SORL1: variants seen among roughly 807,000 people sequenced by gnomAD.
SORL1 encodes sortilin-related receptor.
A neutral mutation model predicts 273.7 loss-of-function variants in SORL1; 127 were observed. The ratio of observed to expected loss-of-function variants is 0.46; its 90% CI spans 0.40 to 0.54. The LOEUF is 0.54. SORL1 is among the 20% of genes least tolerant of loss of function. The probability of loss-of-function intolerance (pLI) is 0.00; values close to 1 mark genes in which losing one functional copy is unlikely to be tolerated. For missense variants in SORL1, 2,494 were observed against 2,846.1 expected, an observed-to-expected ratio of 0.88 and a Z score of 2.81; for synonymous variants, 1,031 against 1,067.4, an observed-to-expected ratio of 0.97 and a Z score of 0.66.
At chr11:121,621,505 C>A (rs887488445) in intron 44 of SORL1, among the ~76,000 whole-genome samples, 2 of 152,030 alleles carry the variant, frequency 1.3e-5, no homozygotes, top group East Asian at 3.9e-4. Context: ...TTTGATATTA[C>A]TAAAGGAAAA....
At chr11:121,625,705 G>T (rs956417707) in intron 46 of SORL1, among the ~76,000 whole-genome samples, 3 of 151,926 alleles carry the variant, frequency 2.0e-5, no homozygotes, top group Non-Finnish European at 2.9e-5. Context: ...CCTCTGCCCC[G>T]CCCCGGCTTC....
chr11:121,544,903 G>T (rs534965085), intron 13 of SORL1, among the ~76,000 whole-genome samples: 131 of 152,322 alleles, frequency 8.6e-4, no homozygotes, highest in Non-Finnish European at 1.4e-3. Flanking sequence ...GCTCATCAAG[G>T]ATTCAGCTGT....
intron 13 of SORL1, among the ~76,000 whole-genome samples, 180 bp downstream of exon 13, chr11:121,543,906 G>A (rs1430813700): frequency 6.6e-6 from 1 of 152,224 alleles, no homozygotes; most frequent in African/African-American, 2.4e-5. Context: ...ATTCTTCTTA[G>A]TAAGACTGGG....
intron 3 of SORL1, among the ~76,000 whole-genome samples, chr11:121,487,150 G>T (rs891554197): frequency 2.0e-5 from 3 of 152,194 alleles, no homozygotes; most frequent in Non-Finnish European, 2.9e-5. Flanking sequence ...TCTGGTCATG[G>T]CTTCTCATTC....
chr11:121,590,712 C>A, intron 30 of SORL1: 1 of 663,582 alleles, frequency 1.5e-6, no homozygotes, highest in African/African-American at 1.8e-5. Context: ...CCTCCTCAGC[C>A]ACCTGTTTCT....
At chr11:121,484,544 A>G (rs1223011300) in intron 3 of SORL1, among the ~76,000 whole-genome samples, 3 of 152,052 alleles carry the variant, frequency 2.0e-5, no homozygotes, top group Non-Finnish European at 4.4e-5. Context: ...TCTGCTTGTG[A>G]GTAGTGGGGC....
intron 32 of SORL1, among the ~76,000 whole-genome samples, chr11:121,597,261 C>G (rs1863308969): frequency 6.6e-6 from 1 of 152,194 alleles, no homozygotes; most frequent in Admixed American, 6.5e-5. Flanking sequence ...CGACTGGGCT[C>G]TCCCTGGAGA....
chr11:121,628,315 G>A (rs1863827758), intron 47 of SORL1, among the ~76,000 whole-genome samples: 1 of 152,164 alleles, frequency 6.6e-6, no homozygotes, highest in Non-Finnish European at 1.5e-5. Context: ...CAGCGGTGGA[G>A]GGGGAAGGGT....
At chr11:121,586,414 C>A in intron 27 of SORL1, 85 bp downstream of exon 27, 1 of 1,003,222 alleles carries the variant, frequency 1.0e-6, no homozygotes, top group Non-Finnish European at 1.6e-6. Flanking sequence ...CCTTTCATTT[C>A]CTCAGTACCT....
intron 40 of SORL1, 73 bp from the exon 41 acceptor site, chr11:121,614,798 T>G (rs1843523122): frequency 8.3e-7 from 1 of 1,205,480 alleles, no homozygotes; most frequent in African/African-American, 1.5e-5. Context: ...TTTAAAAAAG[T>G]GCATGTACCA....
intron 21 of SORL1, among the ~76,000 whole-genome samples, chr11:121,566,381 T>G (rs1862754844): frequency 6.6e-6 from 1 of 152,218 alleles, no homozygotes; most frequent in Non-Finnish European, 1.5e-5. Context: ...AAAAAAAATT[T>G]TTTTTAAGGG....
rs868339009 is a variant in SORL1, at chr11:121,587,901, T to G, written c.3815-119T>G. Reference sequence around the variant, plus strand: ...GGCAGAAAACAAGTGCTCAATAAATTGTGGCTTTTACTGTTGCTTCCTGAA... The same window carrying G: ...GGCAGAAAACAAGTGCTCAATAAATGGTGGCTTTTACTGTTGCTTCCTGAA... On this transcript the variant is annotated intron_variant, in intron 27 of 47. Transcript: ENST00000260197. The G allele has an allele frequency of 5.4e-5, 64 of 1,177,908 alleles. 1 individual carries two copies. In the African/African-American group the frequency reaches 6.9e-4, roughly 13 times the overall value. 73.0% of individuals were successfully genotyped at this position (1,177,908 alleles called of 1,614,324 possible). A position where few individuals can be genotyped will look rare whatever the true frequency, so the allele number is the denominator to read the frequency against.
intron 6 of SORL1, among the ~76,000 whole-genome samples, chr11:121,504,469 A>G (rs11824557): frequency 0.015 from 2,314 of 152,170 alleles, 56 homozygotes; most frequent in African/African-American, 0.053. Flanking sequence ...TTCTTTTCTA[A>G]ATTTCATTTT....
intron 26 of SORL1, among the ~76,000 whole-genome samples, chr11:121,584,588 A>C (rs1307708172): frequency 6.6e-6 from 1 of 151,916 alleles, no homozygotes; most frequent in East Asian, 1.9e-4. Flanking sequence ...CCTCATTAGA[A>C]GTGATTTTCT....
intron 31 of SORL1, among the ~76,000 whole-genome samples, chr11:121,592,327 C>T (rs934772053): frequency 6.6e-5 from 10 of 152,134 alleles, no homozygotes; most frequent in Non-Finnish European, 1.5e-4. Flanking sequence ...GATGCAAAGA[C>T]CACCCTAATG....
chr11:121,605,457 A>C lies in SORL1; in HGVS notation c.4834A>C (p.Thr1612Pro). ...TLETHSNKTN[T>P]VLKVLKPDTT... ...GGAGACCCACAGCAATAAGACAAAC[A>C]CTGTATTAAAAGTCTTGAAACCAGA... The change falls in exon 35 of 48, where the codon ACT (threonine) becomes CCT (proline). Residue 1612 changes from threonine (T) to proline (P), a missense_variant. This residue lies in a region of SORL1 where 1,609 missense variants were observed against 1,816.4 expected (regional missense o/e 0.89). Transcript: ENST00000260197. 1 of 1,614,086 alleles carries C rather than the reference A, an allele frequency of 6.2e-7. No homozygotes were observed. Among genetic ancestry groups the C allele is most frequent in the Non-Finnish European group, 8.5e-7 (1 of 1,179,968 alleles).
chr11:121,503,769 C>T (rs1861747959), intron 6 of SORL1, among the ~76,000 whole-genome samples: 3 of 152,212 alleles, frequency 2.0e-5, no homozygotes, highest in Admixed American at 2.0e-4. Context: ...CAGCATCACA[C>T]TGTCTTGATT....
rs1860982474 is a variant in SORL1, at chr11:121,460,569, T to G, written c.285+7953T>G. 1.3e-5 allele frequency among the ~76,000 whole-genome samples: 2 copies of G among 151,960 alleles called. 1 individual carries two copies. Among genetic ancestry groups the G allele is most frequent in the South Asian group, 4.2e-4 (2 of 4,812 alleles). ...CACCACCACGCCCGGCTAATTGTTT[T>G]GTATTTTTAGTAGAGATGAGGTTTC... On this transcript the variant is annotated intron_variant, in intron 1 of 47. Transcript: ENST00000260197.
chr11:121,532,902 T>C (rs1053492676), intron 12 of SORL1, among the ~76,000 whole-genome samples: 3 of 152,070 alleles, frequency 2.0e-5, no homozygotes, highest in Admixed American at 6.6e-5. Flanking sequence ...CAGGCTAGTC[T>C]CGAACCCCTG....
Sources: allele counts gnomAD v4.1 joint callset (sites outside exome capture counted in the v4.1 genomes callset), GRCh38; gene constraint gnomAD v4.1.1; regional missense constraint gnomAD v4.1.1; transcripts MANE v1.5; gene names NCBI Gene and HGNC (gene_info 2026-07-23, HGNC 2026-07-21).